The following DCAF6 variants were observed in gnomAD, a reference collection of about 807,000 sequenced individuals.
The protein encoded by DCAF6 is DDB1- and CUL4-associated factor 6.
A neutral mutation model predicts 125.1 loss-of-function variants in DCAF6; 54 were observed. The ratio of observed to expected loss-of-function variants is 0.43; its 90% CI spans 0.35 to 0.54. The LOEUF is 0.54. DCAF6 is among the 20% of genes least tolerant of loss of function. The probability of loss-of-function intolerance (pLI) is 0.01; values close to 1 mark genes in which losing one functional copy is unlikely to be tolerated. For synonymous variants in DCAF6, 371 were observed against 390.4 expected, an observed-to-expected ratio of 0.95 and a Z score of 0.58; for missense variants, 934 against 1,161.7, an observed-to-expected ratio of 0.80 and a Z score of 2.85.
At chr1:167,918,435 T>TA in the DCAF6 span, 1 of 938,038 alleles carries the variant, frequency 1.1e-6, no homozygotes, top group East Asian at 2.6e-5. Flanking sequence ...ATGGGAAGCA[T>TA]ACTCCATTTC....
At chr1:167,920,600 G>GC in the DCAF6 span, 1 of 1,613,754 alleles carries the variant, frequency 6.2e-7, no homozygotes, top group African/African-American at 1.3e-5. Flanking sequence ...TGCAGGTCTG[G>GC]CCATATCAGC....
chr1:167,949,040 T>C (rs558797266), intron 1 of DCAF6, among the ~76,000 whole-genome samples: 1 of 152,368 alleles, frequency 6.6e-6, no homozygotes, highest in South Asian at 2.1e-4. Context: ...TCAGCAAACG[T>C]ATATTGAATG....
intron 3 of DCAF6, among the ~76,000 whole-genome samples, chr1:167,969,909 T>C (rs905767823): frequency 6.6e-6 from 1 of 152,226 alleles, no homozygotes; most frequent in Non-Finnish European, 1.5e-5. Context: ...TCCAAATAGC[T>C]GAGGCTACAA....
chr1:167,887,469 C>G, the DCAF6 span, among the ~76,000 whole-genome samples: 2 of 152,116 alleles, frequency 1.3e-5, no homozygotes, highest in Admixed American at 6.6e-5. Context: ...ACCACATGTT[C>G]TCACTCATAG....
In DCAF6 at chr1:168,065,585, C is replaced by CT; in HGVS notation, c.2440-3dup. ...AATTTTTAAATAATTTTTTTTAACC[C>CT]TTAGATAAAAGAAGCCAATTTCTGG... On this transcript the variant is annotated splice_region_variant and splice_polypyrimidine_tract_variant and intron_variant, in intron 18 of 21. Coordinates refer to ENST00000367840, the MANE Select transcript of DCAF6 (RefSeq NM_001198956.2). The CT allele has an allele frequency of 6.4e-7, 1 of 1,562,120 alleles. No individual in the cohort carries two copies. Among genetic ancestry groups the CT allele is most frequent in the Non-Finnish European group, 8.7e-7 (1 of 1,151,394 alleles).
intron 2 of DCAF6, among the ~76,000 whole-genome samples, chr1:167,957,236 A>T (rs771443662): frequency 2.6e-5 from 4 of 152,076 alleles, no homozygotes; most frequent in Non-Finnish European, 4.4e-5. Flanking sequence ...TTATCATCTG[A>T]AAAAGAGTAC....
chr1:167,886,346 A>G, the DCAF6 span, among the ~76,000 whole-genome samples: 1 of 152,224 alleles, frequency 6.6e-6, no homozygotes, highest in African/African-American at 2.4e-5. Context: ...GTACCAAAAC[A>G]GAAATATAGA....
chr1:167,984,645 C>G (rs929941346), intron 4 of DCAF6, among the ~76,000 whole-genome samples: 39 of 152,092 alleles, frequency 2.6e-4, no homozygotes, highest in African/African-American at 9.4e-4. Flanking sequence ...AGATGGAATA[C>G]TAATTACATT....
At chr1:167,973,477 G>A (rs1227915030) in intron 3 of DCAF6, among the ~76,000 whole-genome samples, 3 of 152,140 alleles carry the variant, frequency 2.0e-5, no homozygotes, top group South Asian at 2.1e-4. Context: ...TGTTTGAATC[G>A]GTTGTTGTAA....
At chr1:168,067,292 G>C (rs930616876) in intron 20 of DCAF6, among the ~76,000 whole-genome samples, 2 of 152,120 alleles carry the variant, frequency 1.3e-5, no homozygotes, top group African/African-American at 4.8e-5. Flanking sequence ...GTGTAAAAAA[G>C]ATAAGGCCCT....
chr1:168,074,447 A>C (rs1332482368), intron 21 of DCAF6, among the ~76,000 whole-genome samples: 7 of 152,170 alleles, frequency 4.6e-5, no homozygotes, highest in African/African-American at 1.7e-4. Flanking sequence ...ACCCTTATGT[A>C]ATGTATCTTA....
chr1:167,980,750 A>C (rs539121774), intron 4 of DCAF6, among the ~76,000 whole-genome samples: 5 of 151,814 alleles, frequency 3.3e-5, no homozygotes, highest in African/African-American at 9.7e-5. Flanking sequence ...CCTTTTTTAG[A>C]TACATGGTTC....
chr1:167,981,819 A>T (rs1679208467), intron 4 of DCAF6, among the ~76,000 whole-genome samples: 1 of 152,172 alleles, frequency 6.6e-6, no homozygotes, highest in African/African-American at 2.4e-5. Context: ...TGTTATTGTG[A>T]ATAGTGCTGC....
Position 167,993,335 on chromosome 1 carries a change from A to G in DCAF6, c.798A>G (p.Gln266=). 3.7e-6 allele frequency: 6 copies of G among 1,613,936 alleles called. No individual in the cohort carries two copies. Among genetic ancestry groups the G allele is most frequent in the Non-Finnish European group, 5.1e-6 (6 of 1,179,826 alleles). ...VTSLCYSEDG[Q]EILVSYSSDY... Reference sequence around the variant, plus strand: ...CTCTGTGTTACAGTGAAGATGGTCAAGAGATTCTCGTTAGTTACTCTTCAG... The same window carrying G: ...CTCTGTGTTACAGTGAAGATGGTCAGGAGATTCTCGTTAGTTACTCTTCAG... Residue 266 remains glutamine, a synonymous_variant, in exon 7 of 22, where the codon CAA becomes CAG. Coordinates refer to ENST00000367840, the MANE Select transcript of DCAF6 (RefSeq NM_001198956.2).
At position 167,944,689 on chromosome 1, in the gene DCAF6, G is replaced by GGA. The variant is rs779294264; in HGVS notation, c.98-7111_98-7110insGA. On this transcript the variant is annotated intron_variant, in intron 1 of 21. Coordinates refer to ENST00000367840, the MANE Select transcript of DCAF6 (RefSeq NM_001198956.2). The stretch of plus-strand genomic sequence containing the variant: ...TTGTTGAATCGTTTGAGTTCCTTGT[G>GGA]TAGTCTGGATATTAGTCCCCTGTTG... Among the ~76,000 whole-genome samples the GGA allele has an allele frequency of 4.2e-4, 64 of 152,236 alleles. No individual in the cohort carries two copies. The Middle Eastern group carries it at 0.01, about 24-fold the overall frequency.
At chr1:167,952,262 G>A (rs563983860) in intron 2 of DCAF6, among the ~76,000 whole-genome samples, 28 of 151,968 alleles carry the variant, frequency 1.8e-4, no homozygotes, top group African/African-American at 5.5e-4. Context: ...GTGCAGTGGC[G>A]CAATCTCGGC....
intron 1 of DCAF6, among the ~76,000 whole-genome samples, chr1:167,946,256 A>G (rs1477163822): frequency 6.6e-6 from 1 of 152,108 alleles, no homozygotes; most frequent in Non-Finnish European, 1.5e-5. Context: ...GCGCCTGGCA[A>G]ATCTAAGAGT....
intron 12 of DCAF6, among the ~76,000 whole-genome samples, chr1:168,029,520 GCAA>G (rs1157007211): frequency 6.6e-6 from 1 of 152,114 alleles, no homozygotes; most frequent in Non-Finnish European, 1.5e-5. Flanking sequence ...AATAATAACA[GCAA>G]CAACAACATA....
rs548231831 is a variant in DCAF6 at position 167,937,151 on chromosome 1, C to T, written c.97+143C>T. 6.8e-5 allele frequency: 46 copies of T among 676,560 alleles called. No homozygotes were observed. In the African/African-American group the frequency reaches 8.5e-4, roughly 12 times the overall value. The allele number at this position is 676,560 out of a possible 1,614,324, so 41.9% of individuals were successfully genotyped here. A position where few individuals can be genotyped will look rare whatever the true frequency, so the allele number is the denominator to read the frequency against. On this transcript the variant is annotated intron_variant, in intron 1 of 21. Coordinates refer to ENST00000367840, the MANE Select transcript of DCAF6 (RefSeq NM_001198956.2). ...GGGGTGTTGGGTGGGGCCTTGGTTG[C>T]CGAATTCCGTGCCGGTGCCTCCCCC... is the stretch of plus-strand genomic sequence containing the variant.
Sources: allele counts gnomAD v4.1 joint callset (sites outside exome capture counted in the v4.1 genomes callset), GRCh38; gene constraint gnomAD v4.1.1; transcripts MANE v1.5; gene names NCBI Gene and HGNC (gene_info 2026-07-23, HGNC 2026-07-21).